CSMD1: variants seen among roughly 807,000 people sequenced by gnomAD.
CSMD1 encodes the protein CUB and Sushi multiple domains 1.
Under a neutral mutation model 417.5 loss-of-function variants are expected in CSMD1, and 213 were observed. The ratio of observed to expected loss-of-function variants is 0.51; its 90% confidence interval spans 0.46 to 0.57. The LOEUF (loss-of-function observed/expected upper bound fraction) is 0.57, where lower values mean the gene tolerates loss of function less well. Among genes scored for constraint, CSMD1 ranks in the 20% least tolerant of loss-of-function variants. The probability of loss-of-function intolerance (pLI) is 0.00; values close to 1 mark genes in which losing one functional copy is unlikely to be tolerated. For missense variants in CSMD1, 6,923 were observed against 4,529.7 expected (o/e 1.53, Z -15.17); for synonymous variants, 2,862 against 1,736.8 (o/e 1.65, Z -16.11).
intron 1 of CSMD1, among the ~76,000 whole-genome samples, chr8:4,912,138 A>AAAAGAAAG (rs200206152): frequency 1.5e-5 from 2 of 131,346 alleles, no homozygotes; most frequent in South Asian, 2.3e-4. Context: ...AAAAAAAAAA[A>AAAAGAAAG]AAAGAAAGAA....
chr8:4,480,513 A>T (rs1348821338), intron 2 of CSMD1, among the ~76,000 whole-genome samples: 1 of 152,230 alleles, frequency 6.6e-6, no homozygotes, highest in African/African-American at 2.4e-5. Flanking sequence ...TACTTGGTGG[A>T]CGGAAATTTC....
At chr8:3,978,099 G>C (rs1228297398) in intron 5 of CSMD1, among the ~76,000 whole-genome samples, 1 of 152,196 alleles carries the variant, frequency 6.6e-6, no homozygotes, top group Non-Finnish European at 1.5e-5. Flanking sequence ...CTGTGAGAAA[G>C]TCTCATGGGG....
At chr8:3,673,161 G>C (rs1304347888) in intron 7 of CSMD1, among the ~76,000 whole-genome samples, 1 of 152,180 alleles carries the variant, frequency 6.6e-6, no homozygotes, top group Non-Finnish European at 1.5e-5. Context: ...CTGATGCTAT[G>C]TCATTAATGG....
intron 10 of CSMD1, among the ~76,000 whole-genome samples, chr8:3,534,529 A>AG: frequency 6.6e-6 from 1 of 152,050 alleles, no homozygotes; most frequent in East Asian, 1.9e-4. Context: ...AAAAAAAAAA[A>AG]AAAAAAGAAA....
rs116753309 is a variant in CSMD1, at chr8:4,446,391, A to G, written c.303-26326T>C. Among the ~76,000 whole-genome samples, 265 of 152,200 alleles carry G rather than the reference A, an allele frequency of 1.7e-3. 1 individual carries two copies. Among genetic ancestry groups the G allele is most frequent in the African/African-American group, 6.2e-3 (256 of 41,538 alleles). Reference sequence around the variant, plus strand: ...GGCAGAACCCCAACTCCATAAAAACAAACAAAAGTAGCCATGGGTGGTGGT... The same window carrying G: ...GGCAGAACCCCAACTCCATAAAAACGAACAAAAGTAGCCATGGGTGGTGGT... On this transcript the variant is annotated intron_variant, in intron 2 of 69. Coordinates refer to ENST00000635120, the MANE Select transcript of CSMD1 (RefSeq NM_033225.6).
At chr8:3,366,386 G>A (rs111793353) in intron 20 of CSMD1, among the ~76,000 whole-genome samples, 2 of 90,458 alleles carry the variant, frequency 2.2e-5, no homozygotes, top group South Asian at 6.1e-4. Flanking sequence ...CTTATCTGTA[G>A]AAAAAATTAG....
At position 3,876,801 on chromosome 8, in the gene CSMD1, G is replaced by A. The variant is rs141878751; in HGVS notation, c.818+121102C>T. Among the ~76,000 whole-genome samples, 72 of 152,204 alleles carry A rather than the reference G, an allele frequency of 4.7e-4. 1 individual carries two copies. The East Asian group carries it at 0.012, about 26-fold the overall frequency. On this transcript the variant is annotated intron_variant, in intron 5 of 69. Coordinates refer to ENST00000635120, the MANE Select transcript of CSMD1 (RefSeq NM_033225.6). Reference sequence around the variant, plus strand: ...GTTTTTAAAAATTTTTTGTAGAAACGAGGTTTCACCATGTTGCCCAAGGTG... The same window carrying A: ...GTTTTTAAAAATTTTTTGTAGAAACAAGGTTTCACCATGTTGCCCAAGGTG...
chr8:3,553,130 A>T (rs74618044), intron 10 of CSMD1, among the ~76,000 whole-genome samples: 1 of 151,782 alleles, frequency 6.6e-6, no homozygotes, highest in Non-Finnish European at 1.5e-5. Context: ...AGGAGAAAAA[A>T]AAAAAGAAAG....
intron 10 of CSMD1, among the ~76,000 whole-genome samples, chr8:3,523,490 G>C (rs563652851): frequency 4.1e-4 from 62 of 152,024 alleles, no homozygotes; most frequent in Non-Finnish European, 6.8e-4. Context: ...CCTGTGGATG[G>C]CTGGCAGCAG....
intron 4 of CSMD1, among the ~76,000 whole-genome samples, chr8:4,021,258 T>C (rs1379242731): frequency 6.6e-6 from 1 of 152,182 alleles, no homozygotes; most frequent in Admixed American, 6.5e-5. Flanking sequence ...TCACTTACAG[T>C]TTACATTAAT....
rs750472120 is a variant in CSMD1, at chr8:3,157,933, C to T, written c.5878G>A (p.Val1960Ile). The T allele has an allele frequency of 2.3e-5, 35 of 1,554,752 alleles. No homozygotes were observed. The African/African-American group carries it at 2.7e-4, about 12-fold the overall frequency. Reference sequence around the variant, plus strand: ...GGAGACGGATAGTTCCAACGGCGAACGGTCCCTGGCATACAGGAAATGTGG... The same window carrying T: ...GGAGACGGATAGTTCCAACGGCGAATGGTCCCTGGCATACAGGAAATGTGG... Reference protein sequence around the residue: ...RSHISCMPGTVRRWNYPSPLC... With the variant: ...RSHISCMPGTIRRWNYPSPLC... Residue 1960 changes from valine (V) to isoleucine (I), a missense_variant, in exon 39 of 70, where the codon GTT (valine) becomes ATT (isoleucine). Val to Ile is a conservative substitution (Grantham distance 29). Transcript: ENST00000635120.
At chr8:3,938,895 C>G (rs1179729582) in intron 5 of CSMD1, among the ~76,000 whole-genome samples, 1 of 152,056 alleles carries the variant, frequency 6.6e-6, no homozygotes, top group Non-Finnish European at 1.5e-5. Flanking sequence ...AACTGTATAT[C>G]TATATGCTCA....
chr8:4,214,417 G>A (rs1800507446), intron 3 of CSMD1, among the ~76,000 whole-genome samples: 1 of 152,108 alleles, frequency 6.6e-6, no homozygotes, highest in Non-Finnish European at 1.5e-5. Flanking sequence ...AATGCCTCAG[G>A]CTTCTAAGTA....
intron 3 of CSMD1, among the ~76,000 whole-genome samples, chr8:4,117,768 C>G (rs943536663): frequency 2.1e-4 from 32 of 152,182 alleles, no homozygotes; most frequent in Admixed American, 3.3e-4. Flanking sequence ...CAGAAACACA[C>G]CAGGCCCATT....
At chr8:3,573,952 T>G (rs543504061) in intron 10 of CSMD1, among the ~76,000 whole-genome samples, 1 of 152,114 alleles carries the variant, frequency 6.6e-6, no homozygotes, top group Non-Finnish European at 1.5e-5. Context: ...AGCATCTATA[T>G]TGAACTTAAA....
intron 50 of CSMD1, among the ~76,000 whole-genome samples, chr8:3,038,329 CATAAA>C (rs1234302284): frequency 6.6e-6 from 1 of 152,120 alleles, no homozygotes; most frequent in Non-Finnish European, 1.5e-5. Context: ...ATTTTAATTA[CATAAA>C]ATGAGTCTAA....
intron 1 of CSMD1, among the ~76,000 whole-genome samples, chr8:4,680,467 C>T (rs1805968068): frequency 6.6e-6 from 1 of 152,152 alleles, no homozygotes. Flanking sequence ...CGTACCTTCA[C>T]ACTTGATGAC....
At chr8:4,972,591 T>C (rs1400901283) in intron 1 of CSMD1, among the ~76,000 whole-genome samples, 1 of 152,094 alleles carries the variant, frequency 6.6e-6, no homozygotes, top group Non-Finnish European at 1.5e-5. Flanking sequence ...CTTTCTAAAT[T>C]ATCTCACCTC....
At chr8:4,417,946 C>G (rs919893085) in intron 3 of CSMD1, among the ~76,000 whole-genome samples, 9 of 151,936 alleles carry the variant, frequency 5.9e-5, no homozygotes, top group South Asian at 4.1e-4. Flanking sequence ...TATAAAAGCT[C>G]TCTTCTACTC....
Sources: gnomAD v4.1 joint callset for allele counts (sites outside exome capture counted in the v4.1 genomes callset) on GRCh38, gnomAD v4.1.1 for gene constraint, MANE v1.5 for transcripts, NCBI Gene and HGNC (gene_info 2026-07-23, HGNC 2026-07-21) for gene names.